ACIN1: variants seen among roughly 807,000 people sequenced by gnomAD.
ACIN1 encodes the protein apoptotic chromatin condensation inducer in the nucleus.
A neutral mutation model predicts 146.6 loss-of-function variants in ACIN1; 16 were observed. The ratio of observed to expected loss-of-function variants is 0.11; its 90% confidence interval spans 0.07 to 0.17. ACIN1 has a LOEUF of 0.17. Ranked by LOEUF, ACIN1 falls within the 10% of genes least tolerant of loss-of-function variation. The probability of loss-of-function intolerance (pLI) is 1.00; values close to 1 mark genes in which losing one functional copy is unlikely to be tolerated. For missense variants in ACIN1, 1,357 were observed against 1,609.3 expected, an observed-to-expected ratio of 0.84 and a Z score of 2.68; for synonymous variants, 569 against 582.7, an observed-to-expected ratio of 0.98 and a Z score of 0.34.
intron 8 of ACIN1, chr14:23,071,466 A>C (rs1411425135): frequency 2.1e-5 from 32 of 1,551,614 alleles, no homozygotes; most frequent in Non-Finnish European, 2.5e-5. Flanking sequence ...TCTCTGGAGA[A>C]GGAGGAAGAG....
intron 4 of ACIN1, among the ~76,000 whole-genome samples, chr14:23,087,826 G>C (rs17093525): frequency 0.028 from 4,254 of 152,232 alleles, 206 homozygotes; most frequent in African/African-American, 0.096. Flanking sequence ...ACTCTGGCTA[G>C]ATTAGTCTAC....
Position 23,062,230 on chromosome 14 carries a change from C to T in ACIN1, c.3037G>A (p.Gly1013Arg), listed in dbSNP as rs138390500. The T allele has an allele frequency of 4.3e-5, 70 of 1,613,918 alleles. No individual in the cohort carries two copies. The highest frequency in any genetic ancestry group is 4.0e-4 in the East Asian group (18 of 44,892). Residue 1013 changes from glycine (G) to arginine (R), a missense_variant, in exon 16 of 19, where the codon GGG becomes AGG. Physicochemically the swap from Gly to Arg is moderately radical, Grantham distance 125 (BLOSUM62 -2). Transcript: ENST00000605057. ...GGATTGGACTGGGGCCATTTGACCC[C>T]GTGCAGAGCTGTGCGGGTGGCAACA... ...EAVATRTALH[G>R]VKWPQSNPKF...
chr14:23,059,137 T>A lies in ACIN1; in HGVS notation c.*11A>T. 2.5e-6 allele frequency: 4 copies of A among 1,611,982 alleles called. No individual in the cohort carries two copies. Among genetic ancestry groups the A allele is most frequent in the Non-Finnish European group, 3.4e-6 (4 of 1,178,936 alleles). Reference sequence around the variant, plus strand: ...GAGTGGCTGGTACCTGCAGCTCTAGTGTTTTCCCAGCTAGCGGCGCCCACC... The same window carrying A: ...GAGTGGCTGGTACCTGCAGCTCTAGAGTTTTCCCAGCTAGCGGCGCCCACC... On this transcript the variant is annotated 3_prime_UTR_variant, in exon 19 of 19. Coordinates refer to ENST00000605057, the MANE Select transcript of ACIN1 (RefSeq NM_001386863.1).
intron 8 of ACIN1, among the ~76,000 whole-genome samples, chr14:23,071,922 A>G (rs2047669484): frequency 6.6e-6 from 1 of 152,228 alleles, no homozygotes; most frequent in African/African-American, 2.4e-5. Context: ...CGATAAAGCC[A>G]AAGTTGAAAA....
chr14:23,063,582 C>T lies in ACIN1; in HGVS notation c.2596-5G>A, dbSNP rs1218686188. On this transcript the variant is annotated splice_polypyrimidine_tract_variant and splice_region_variant and intron_variant, in intron 12 of 18. Coordinates refer to ENST00000605057, the MANE Select transcript of ACIN1 (RefSeq NM_001386863.1). The stretch of plus-strand genomic sequence containing the variant: ...CTGGCCCTCTGCAGGTACTACCTAT[C>T]AAGGTGTCAGAGAACACAGCAGGTC... 1 of 1,614,074 alleles carries T rather than the reference C, an allele frequency of 6.2e-7. No individual in the cohort carries two copies. The highest frequency in any genetic ancestry group is 8.5e-7 in the Non-Finnish European group (1 of 1,179,994).
Position 23,079,445 on chromosome 14 carries a change from T to C in ACIN1, c.1788+102A>G, listed in dbSNP as rs537779451. On this transcript the variant is annotated intron_variant, in intron 6 of 18. Coordinates refer to ENST00000605057, the MANE Select transcript of ACIN1 (RefSeq NM_001386863.1). ...AGTGAAGGAGAGTAAAGGAGGCTTTTCCTATTCCTTTCAGAAATCATGACA... is the reference window on the plus strand; with the variant it reads ...AGTGAAGGAGAGTAAAGGAGGCTTTCCCTATTCCTTTCAGAAATCATGACA... 12 of 1,524,632 alleles carry C rather than the reference T, an allele frequency of 7.9e-6. No individual in the cohort carries two copies. In the East Asian group the frequency reaches 2.3e-4, roughly 29 times the overall value. The allele number at this position is 1,524,632 out of a possible 1,614,324, so 94.4% of individuals were successfully genotyped here. A position where few individuals can be genotyped will look rare whatever the true frequency, so the allele number is the denominator to read the frequency against.
rs1403020531 is a variant in ACIN1 at position 23,067,528 on chromosome 14, G to A, written c.2266-1520C>T. On this transcript the variant is annotated intron_variant, in intron 9 of 18. Transcript: ENST00000605057. This position sits in a 1 kb window ranked among gnomAD's most constrained non-coding sequence, Gnocchi z 4.6. Reference sequence around the variant, plus strand: ...GCGGGAGGGAAACGTGTGGGGGGACGCTGCCCAGTTTCCATGATGTCAAGA... The same window carrying A: ...GCGGGAGGGAAACGTGTGGGGGGACACTGCCCAGTTTCCATGATGTCAAGA... 7.1e-6 allele frequency: 7 copies of A among 985,778 alleles called. No homozygotes were observed. Among genetic ancestry groups the A allele is most frequent in the Non-Finnish European group, 7.2e-6 (6 of 830,152 alleles). 61.1% of individuals were successfully genotyped at this position (985,778 alleles called of 1,614,324 possible).
upstream of ACIN1, chr14:23,095,276 C>A: frequency 1.3e-6 from 2 of 1,598,702 alleles, no homozygotes; most frequent in East Asian, 4.5e-5. Flanking sequence ...CGGATGTTTC[C>A]GTCTCCACAT....
chr14:23,081,784 T>C lies in ACIN1; in HGVS notation c.489A>G (p.Pro163=), dbSNP rs769979232. 1.9e-6 allele frequency: 3 copies of C among 1,613,240 alleles called. No homozygotes were observed. Among genetic ancestry groups the C allele is most frequent in the Non-Finnish European group, 2.5e-6 (3 of 1,179,938 alleles). Reference sequence around the variant, plus strand: ...TAGATGATCGTCTTTCTCCTTTCCTTGGTTTCTCATCATCAGAGTCACCTT... The same window carrying C: ...TAGATGATCGTCTTTCTCCTTTCCTCGGTTTCTCATCATCAGAGTCACCTT... ...EEKGDSDDEK[P]RKGERRSSRV... is the part of the protein sequence containing the mutation. The change falls in exon 5 of 19, where the codon CCA becomes CCG. Residue 163 remains proline (P), a synonymous_variant. Transcript: ENST00000605057.
chr14:23,068,480 C>G lies in ACIN1; in HGVS notation c.2265+996G>C. 1.0e-6 allele frequency: 1 copy of G among 985,880 alleles called. No individual in the cohort carries two copies. The allele number at this position is 985,880 out of a possible 1,614,324, so 61.1% of individuals were successfully genotyped here. A position where few individuals can be genotyped will look rare whatever the true frequency, so the allele number is the denominator to read the frequency against. On this transcript the variant is annotated intron_variant, in intron 9 of 18. Coordinates refer to ENST00000605057, the MANE Select transcript of ACIN1 (RefSeq NM_001386863.1). This position sits in a 1 kb window ranked among gnomAD's most constrained non-coding sequence, Gnocchi z 4.3. The stretch of plus-strand genomic sequence containing the variant: ...TCTTGGCCCCCTGATGTAAGCAAGA[C>G]AGGGAGGCAAAAGGGGGCCCATCAC...
chr14:23,070,506 T>C (rs565297967), intron 8 of ACIN1, among the ~76,000 whole-genome samples: 1 of 151,360 alleles, frequency 6.6e-6, no homozygotes, highest in Admixed American at 6.6e-5. Flanking sequence ...AAACCCACTC[T>C]CCCACTCTTA....
At chr14:23,087,830 A>G (rs1024784078) in intron 4 of ACIN1, among the ~76,000 whole-genome samples, 1 of 152,208 alleles carries the variant, frequency 6.6e-6, no homozygotes, top group African/African-American at 2.4e-5. Context: ...TGGCTAGATT[A>G]GTCTACTACC....
chr14:23,072,427 T>C (rs1411664069), intron 8 of ACIN1, among the ~76,000 whole-genome samples: 6 of 151,932 alleles, frequency 3.9e-5, no homozygotes, highest in African/African-American at 1.2e-4. Flanking sequence ...GATAAGACAG[T>C]GAAGTGAGAG....
intron 8 of ACIN1, 21 bp from the exon 9 acceptor site, chr14:23,069,638 T>C: frequency 6.1e-6 from 2 of 326,672 alleles, no homozygotes; most frequent in East Asian, 7.5e-5. Flanking sequence ...GGGGGAGTGG[T>C]GGTGGGGGGG....
rs2047510309 is a variant in ACIN1, at chr14:23,067,922, T to C, written c.2265+1554A>G. 1.0e-6 allele frequency: 1 copy of C among 985,732 alleles called. No homozygotes were observed. Among genetic ancestry groups the C allele is most frequent in the South Asian group, 4.7e-5 (1 of 21,286 alleles). 61.1% of individuals were successfully genotyped at this position (985,732 alleles called of 1,614,324 possible). A position where few individuals can be genotyped will look rare whatever the true frequency, so the allele number is the denominator to read the frequency against. On this transcript the variant is annotated intron_variant, in intron 9 of 18. Transcript: ENST00000605057. This position sits in a 1 kb window ranked among gnomAD's most constrained non-coding sequence, Gnocchi z 4.6. ...ACATTCAGCAGCAAGGTCAGAATACTTCTCTTCGGAGAGTTGTGGCTGGCA... is the reference window on the plus strand; with the variant it reads ...ACATTCAGCAGCAAGGTCAGAATACCTCTCTTCGGAGAGTTGTGGCTGGCA...
rs2047378283 is a variant in ACIN1 at position 23,064,117 on chromosome 14, C to T, written c.2583G>A (p.Arg861=). The T allele has an allele frequency of 1.9e-6, 3 of 1,614,108 alleles. No homozygotes were observed. Among genetic ancestry groups the T allele is most frequent in the Non-Finnish European group, 2.5e-6 (3 of 1,180,032 alleles). ...GCAGAAGCCTTACCTGAGTGACTGT[C>T]CGGCATATTTTCAGCCCCTTGTCAT... ...GTHDKGLKIC[R]TVTQVVPAEG... The change falls in exon 12 of 19, where the codon CGG becomes CGA. Residue 861 remains arginine, a synonymous_variant. Transcript: ENST00000605057.
In ACIN1 at chr14:23,081,010, C is replaced by T. The variant is rs59855669; in HGVS notation, c.526-201G>A. Among the ~76,000 whole-genome samples, 1,422 of 150,836 alleles carry T rather than the reference C, an allele frequency of 9.4e-3. 33 individuals are homozygous for T. The highest frequency in any genetic ancestry group is 0.065 in the East Asian group (333 of 5,148). On this transcript the variant is annotated intron_variant, in intron 5 of 18. Transcript: ENST00000605057. Reference sequence around the variant, plus strand: ...AACAAAGTGACCAAAAGAAATATCACAATGAAGCTACTTGTATGTAGTTTA... The same window carrying T: ...AACAAAGTGACCAAAAGAAATATCATAATGAAGCTACTTGTATGTAGTTTA...
intron 13 of ACIN1, 168 bp downstream of exon 13, chr14:23,063,266 CAG>C: frequency 1.8e-6 from 2 of 1,131,962 alleles, no homozygotes; most frequent in Admixed American, 2.8e-5. Context: ...AAAGATTAAA[CAG>C]AGTCAAATCT....
chr14:23,083,895 T>C (rs914416181), intron 4 of ACIN1, among the ~76,000 whole-genome samples: 30 of 152,194 alleles, frequency 2.0e-4, no homozygotes, highest in African/African-American at 7.0e-4. Flanking sequence ...TGTTGTATAG[T>C]AATAGTGCAA....
Sources: gnomAD v4.1 joint callset for allele counts (sites outside exome capture counted in the v4.1 genomes callset) on GRCh38, gnomAD v4.1.1 for gene constraint, Gnocchi (gnomAD v3.1) non-coding constraint, MANE v1.5 for transcripts, NCBI Gene and HGNC (gene_info 2026-07-23, HGNC 2026-07-21) for gene names.